HS3ST1: variants seen among roughly 807,000 people sequenced by gnomAD.
HS3ST1 encodes heparan sulfate glucosamine 3-O-sulfotransferase 1.
Under a neutral mutation model 20.7 loss-of-function variants are expected in HS3ST1, and 8 were observed. That is an observed-to-expected ratio of 0.39 (90% confidence interval 0.23 to 0.70). HS3ST1 has a LOEUF of 0.70. Ranked by LOEUF, HS3ST1 falls within the 30% of genes least tolerant of loss-of-function variation. The pLI, the probability that HS3ST1 is intolerant of heterozygous loss-of-function variation, is 0.46. For synonymous variants in HS3ST1, 205 were observed against 190.4 expected, an observed-to-expected ratio of 1.08 and a Z score of -0.63; for missense variants, 436 against 423.4, an observed-to-expected ratio of 1.03 and a Z score of -0.26.
intron 1 of HS3ST1, among the ~76,000 whole-genome samples, chr4:11,409,148 C>T (rs778175214): frequency 6.6e-5 from 10 of 152,216 alleles, no homozygotes; most frequent in Non-Finnish European, 1.5e-4. Flanking sequence ...TCCCAATTTG[C>T]ATCTTACTAA....
At chr4:11,415,930 T>A (rs1186070481) in intron 1 of HS3ST1, among the ~76,000 whole-genome samples, 5 of 152,132 alleles carry the variant, frequency 3.3e-5, no homozygotes, top group Admixed American at 2.0e-4. Flanking sequence ...TGTGTGCAGC[T>A]AAGGAGACTT....
chr4:11,403,392 C>T (rs1718379787), intron 1 of HS3ST1, among the ~76,000 whole-genome samples: 1 of 152,160 alleles, frequency 6.6e-6, no homozygotes, highest in Non-Finnish European at 1.5e-5. Flanking sequence ...CTCAGGTGAA[C>T]CTGTAAGCCA....
Position 11,424,978 on chromosome 4 carries a change from G to A in HS3ST1, c.-109+3721C>T, listed in dbSNP as rs142943513. 2.9e-3 allele frequency among the ~76,000 whole-genome samples: 447 copies of A among 152,136 alleles called. 3 individuals carry two copies. Among genetic ancestry groups the A allele is most frequent in the Non-Finnish European group, 5.5e-3 (375 of 67,992 alleles). Reference sequence around the variant, plus strand: ...TGAAGAGAGAGGGCACTACAAGCACGACTGTAGAGTGGAATAAGAACAGAC... The same window carrying A: ...TGAAGAGAGAGGGCACTACAAGCACAACTGTAGAGTGGAATAAGAACAGAC... On this transcript the variant is annotated intron_variant, in intron 1 of 1. Coordinates refer to ENST00000002596, the MANE Select transcript of HS3ST1 (RefSeq NM_005114.4).
chr4:11,416,632 C>T lies in HS3ST1; in HGVS notation c.-109+12067G>A, dbSNP rs150507469. ...CGAGTCTCTCAGAGAGGCAGAAAGA[C>T]GGAGCAGGTACTCTCCGGAGTAGTG... On this transcript the variant is annotated intron_variant, in intron 1 of 1. Coordinates refer to ENST00000002596, the MANE Select transcript of HS3ST1 (RefSeq NM_005114.4). Among the ~76,000 whole-genome samples the T allele has an allele frequency of 3.3e-3, 504 of 152,260 alleles. 3 individuals are homozygous for T. Among genetic ancestry groups the T allele is most frequent in the African/African-American group, 0.011 (475 of 41,566 alleles).
At chr4:11,424,414 C>T (rs534300625) in intron 1 of HS3ST1, among the ~76,000 whole-genome samples, 44 of 152,310 alleles carry the variant, frequency 2.9e-4, no homozygotes, top group Non-Finnish European at 5.6e-4. Context: ...CTACAGACTT[C>T]ATTCCCCATG....
At chr4:11,431,232 TA>T (rs77643058), upstream of HS3ST1, among the ~76,000 whole-genome samples, 455 of 137,838 alleles carry the variant, frequency 3.3e-3, 2 homozygotes, top group South Asian at 3.8e-3. Context: ...ACTATGCTCT[TA>T]AAAAAAAAAA....
intron 1 of HS3ST1, among the ~76,000 whole-genome samples, chr4:11,423,486 C>T (rs1479137482): frequency 6.6e-6 from 1 of 152,194 alleles, no homozygotes; most frequent in Non-Finnish European, 1.5e-5. Flanking sequence ...CTATCACTTT[C>T]CTCTAGTTTT....
intron 1 of HS3ST1, among the ~76,000 whole-genome samples, chr4:11,417,424 A>G (rs1718813533): frequency 2.0e-5 from 3 of 152,166 alleles, no homozygotes; most frequent in South Asian, 2.1e-4. Context: ...AATTTCATCT[A>G]TTAGACTAAA....
rs937634604 is a variant in HS3ST1, at chr4:11,398,691, GTT to G, written c.*389_*390del. 4 of 157,158 alleles carry G rather than the reference GTT, an allele frequency of 2.5e-5. No homozygotes were observed. Among genetic ancestry groups the G allele is most frequent in the African/African-American group, 9.6e-5 (4 of 41,538 alleles). The allele number at this position is 157,158 out of a possible 1,614,324, so 9.7% of individuals were successfully genotyped here. ...GGATTGTAATAGCCATGAAAAACAT[GTT>G]TTTTTAAGTAACAAAAGAATTTAGA... On this transcript the variant is annotated 3_prime_UTR_variant, in exon 2 of 2. Transcript: ENST00000002596.
Position 11,396,961 on chromosome 4 carries a change from T to C in HS3ST1, c.*2121A>G, listed in dbSNP as rs1718162356. The C allele has an allele frequency of 1.3e-5, 2 of 152,294 alleles. No homozygotes were observed. Among genetic ancestry groups the C allele is most frequent in the South Asian group, 4.2e-4 (2 of 4,816 alleles). 9.4% of individuals were successfully genotyped at this position (152,294 alleles called of 1,614,324 possible). ...CACAGTTCATGCTTCTACCAGACCATCCCTGTCAGGGGACAGGAATTTACA... is the reference window on the plus strand; with the variant it reads ...CACAGTTCATGCTTCTACCAGACCACCCCTGTCAGGGGACAGGAATTTACA... On this transcript the variant is annotated 3_prime_UTR_variant, in exon 2 of 2. Transcript: ENST00000002596.
intron 1 of HS3ST1, among the ~76,000 whole-genome samples, chr4:11,400,856 T>C (rs1046117420): frequency 2.0e-5 from 3 of 152,238 alleles, no homozygotes; most frequent in African/African-American, 7.2e-5. Context: ...CAAGAGGCCT[T>C]GTGTGTTTTT....
chr4:11,410,769 G>A (rs902743400), intron 1 of HS3ST1, among the ~76,000 whole-genome samples: 1 of 152,166 alleles, frequency 6.6e-6, no homozygotes, highest in African/African-American at 2.4e-5. Flanking sequence ...GCACACGCCT[G>A]TAATCCCAGC....
chr4:11,406,688 A>C (rs10031750), intron 1 of HS3ST1, among the ~76,000 whole-genome samples: 2,381 of 152,236 alleles, frequency 0.016, 47 homozygotes, highest in African/African-American at 0.054. Context: ...TGGGGAGTGC[A>C]TTCCAGGCAA....
At chr4:11,419,974 A>C (rs1274682636) in intron 1 of HS3ST1, among the ~76,000 whole-genome samples, 1 of 152,254 alleles carries the variant, frequency 6.6e-6, no homozygotes, top group East Asian at 1.9e-4. Context: ...GTTGAGCTGT[A>C]AAGTAGCTCA....
intron 1 of HS3ST1, chr4:11,413,936 C>T (rs1401158005): frequency 6.6e-6 from 1 of 152,068 alleles, no homozygotes; most frequent in Non-Finnish European, 1.5e-5. Flanking sequence ...TTAATAACTG[C>T]ATTCCTTCCT....
chr4:11,407,054 A>T (rs12651453), intron 1 of HS3ST1, among the ~76,000 whole-genome samples: 3 of 152,158 alleles, frequency 2.0e-5, no homozygotes, highest in Middle Eastern at 3.4e-3. Context: ...TGTGCCTGTC[A>T]GCCTATGAGA....
chr4:11,398,886 T>C lies in HS3ST1; in HGVS notation c.*196A>G, dbSNP rs1178377311. 1 of 509,862 alleles carries C rather than the reference T, an allele frequency of 2.0e-6. No individual in the cohort carries two copies. Among genetic ancestry groups the C allele is most frequent in the Non-Finnish European group, 3.4e-6 (1 of 294,044 alleles). The allele number at this position is 509,862 out of a possible 1,614,324, so 31.6% of individuals were successfully genotyped here. A position where few individuals can be genotyped will look rare whatever the true frequency, so the allele number is the denominator to read the frequency against. ...CAATGTTAACAACCATGAAAAACAA[T>C]ACAAAATGCCCTCCATTTAACAAGT... is the stretch of plus-strand genomic sequence containing the variant. On this transcript the variant is annotated 3_prime_UTR_variant, in exon 2 of 2. Coordinates refer to ENST00000002596, the MANE Select transcript of HS3ST1 (RefSeq NM_005114.4).
intron 1 of HS3ST1, among the ~76,000 whole-genome samples, chr4:11,407,708 T>C (rs757092590): frequency 9.2e-5 from 14 of 152,228 alleles, no homozygotes; most frequent in Non-Finnish European, 1.9e-4. Context: ...GAGGGACTTG[T>C]GGCTGCAAGT....
intron 1 of HS3ST1, among the ~76,000 whole-genome samples, chr4:11,420,885 C>T (rs1398378126): frequency 6.6e-6 from 1 of 152,178 alleles, no homozygotes; most frequent in Non-Finnish European, 1.5e-5. Flanking sequence ...CTTTATCTTT[C>T]TATGGCACAA....
Sources: gnomAD v4.1 joint callset for allele counts (sites outside exome capture counted in the v4.1 genomes callset) on GRCh38, gnomAD v4.1.1 for gene constraint, MANE v1.5 for transcripts, NCBI Gene and HGNC (gene_info 2026-07-23, HGNC 2026-07-21) for gene names.